The following PGGT1B variants were observed in gnomAD, a reference collection of about 807,000 sequenced individuals.
PGGT1B encodes geranylgeranyl transferase type-1 subunit beta.
In PGGT1B, 30 loss-of-function variants were observed where a neutral mutation model predicts 46.1. The ratio of observed to expected loss-of-function variants is 0.65; its 90% confidence interval spans 0.49 to 0.88. PGGT1B has a LOEUF of 0.88. PGGT1B is among the 40% of genes least tolerant of loss of function. PGGT1B has a pLI of 0.00. For synonymous variants in PGGT1B, 170 were observed against 160.0 expected (o/e 1.06, Z -0.47); for missense variants, 376 against 455.9 (o/e 0.82, Z 1.60).
chr5:115,238,888 T>C (rs900289679), intron 3 of PGGT1B, among the ~76,000 whole-genome samples: 1 of 152,164 alleles, frequency 6.6e-6, no homozygotes, highest in Non-Finnish European at 1.5e-5. Context: ...CACTAGTTCT[T>C]TGGAGTCAAG....
chr5:115,222,414 C>G (rs1277155574), intron 6 of PGGT1B, among the ~76,000 whole-genome samples: 1 of 152,094 alleles, frequency 6.6e-6, no homozygotes, highest in Non-Finnish European at 1.5e-5. Flanking sequence ...AAGCTACAAA[C>G]AAGTTTTCAC....
rs1212547693 is a variant in PGGT1B, at chr5:115,207,363, G to A, written c.*5039C>T. The A allele has an allele frequency of 2.6e-5, 4 of 151,422 alleles. No homozygotes were observed. The highest frequency in any genetic ancestry group is 1.5e-5 in the Non-Finnish European group (1 of 67,756). The allele number at this position is 151,422 out of a possible 1,614,324, so 9.4% of individuals were successfully genotyped here. On this transcript the variant is annotated 3_prime_UTR_variant, in exon 9 of 9. Transcript: ENST00000419445. ...GAAACAGAACATTACCAGCACCGCA[G>A]AGTCTCCCTTGTACCCTCTTTCAGT...
At position 115,236,509 on chromosome 5, in the gene PGGT1B, G is replaced by A; in HGVS notation, c.493C>T (p.Pro165Ser). 6.5e-7 allele frequency: 1 copy of A among 1,539,064 alleles called. No homozygotes were observed. The highest frequency in any genetic ancestry group is 2.5e-5 in the East Asian group (1 of 39,600). Reference sequence around the variant, plus strand: ...CGCATGTCATTTTCACTGCCTTCAGGTACTGCACAAAAACTGAAAATAATA... The same window carrying A: ...CGCATGTCATTTTCACTGCCTTCAGATACTGCACAAAAACTGAAAATAATA... Reference protein sequence around the residue: ...QLEDGSFCAVPEGSENDMRFV... With the variant: ...QLEDGSFCAVSEGSENDMRFV... The change falls in exon 5 of 9, where the codon CCT becomes TCT. Residue 165 changes from proline to serine, a missense_variant. By Grantham distance (74) the Pro-to-Ser change is moderately conservative. This residue lies in a region of PGGT1B where 222 missense variants were observed against 313.6 expected (regional missense o/e 0.71). Coordinates refer to ENST00000419445, the MANE Select transcript of PGGT1B (RefSeq NM_005023.4).
intron 7 of PGGT1B, among the ~76,000 whole-genome samples, chr5:115,221,553 A>G (rs1756589909): frequency 6.6e-6 from 1 of 152,054 alleles, no homozygotes; most frequent in African/African-American, 2.4e-5. Context: ...GAAAGTAAGT[A>G]TTTAATATGT....
At chr5:115,229,425 T>C (rs972480238) in intron 6 of PGGT1B, among the ~76,000 whole-genome samples, 7 of 152,140 alleles carry the variant, frequency 4.6e-5, no homozygotes, top group Non-Finnish European at 8.8e-5. Context: ...AGAAGGAAGA[T>C]ATACGCTTTG....
At chr5:115,261,824 CAT>C (rs1748567502) in intron 1 of PGGT1B, among the ~76,000 whole-genome samples, 1 of 152,192 alleles carries the variant, frequency 6.6e-6, no homozygotes. Context: ...ACTACACTAA[CAT>C]ATAGCACAGA....
rs567696494 is a variant in PGGT1B at position 115,237,158 on chromosome 5, T to C, written c.480-636A>G. 2.0e-5 allele frequency among the ~76,000 whole-genome samples: 3 copies of C among 152,306 alleles called. No individual in the cohort carries two copies. The East Asian group carries it at 5.8e-4, about 29-fold the overall frequency. On this transcript the variant is annotated intron_variant, in intron 4 of 8. Transcript: ENST00000419445. ...ATAGGGTTTCCAATTAATGTCAATT[T>C]ATTCTACTTGTCTACATTTATTTTT...
Position 115,253,271 on chromosome 5 carries a change from G to A in PGGT1B, c.141-16C>T, listed in dbSNP as rs367982950. ...AATTGTCAACCTAAAAGAAAAAAAT[G>A]TAAAATTCCATCTTAACTATCATAC... On this transcript the variant is annotated splice_polypyrimidine_tract_variant and intron_variant, in intron 1 of 8. Transcript: ENST00000419445. 5.1e-6 allele frequency: 8 copies of A among 1,566,516 alleles called. No individual in the cohort carries two copies. The highest frequency in any genetic ancestry group is 6.0e-6 in the Non-Finnish European group (7 of 1,160,842).
chr5:115,227,788 A>G (rs1377388391), intron 6 of PGGT1B, among the ~76,000 whole-genome samples: 1 of 152,196 alleles, frequency 6.6e-6, no homozygotes, highest in Non-Finnish European at 1.5e-5. Context: ...AGTTCTGACT[A>G]AGACAAAAAT....
At chr5:115,216,684 C>A (rs1474788417) in intron 8 of PGGT1B, among the ~76,000 whole-genome samples, 181 bp downstream of exon 8, 1 of 152,162 alleles carries the variant, frequency 6.6e-6, no homozygotes, top group Non-Finnish European at 1.5e-5. Flanking sequence ...TAAACTCTTT[C>A]ATTTATACTC....
rs1476291235 is a variant in PGGT1B, at chr5:115,212,541, A to G, written c.995T>C (p.Met332Thr). 2 of 1,613,508 alleles carry G rather than the reference A, an allele frequency of 1.2e-6. No homozygotes were observed. The highest frequency in any genetic ancestry group is 1.1e-5 in the South Asian group (1 of 91,016). The part of the protein sequence containing the change: ...AYFGICGLSL[M>T]EESGICKVHP... Reference sequence around the variant, plus strand: ...AACTTTACAAATTCCACTTTCCTCCATTAGTGACAGGCCACAGATCCCAAA... The same window carrying G: ...AACTTTACAAATTCCACTTTCCTCCGTTAGTGACAGGCCACAGATCCCAAA... Residue 332 changes from methionine to threonine, a missense_variant, in exon 9 of 9, where the codon ATG becomes ACG. Transcript: ENST00000419445.
intron 1 of PGGT1B, among the ~76,000 whole-genome samples, chr5:115,258,671 G>C (rs1748425705): frequency 6.6e-6 from 1 of 152,276 alleles, no homozygotes; most frequent in South Asian, 2.1e-4. Context: ...CATTCTTTAA[G>C]ATTTAGCTTT....
At chr5:115,238,276 T>C (rs542057828) in intron 3 of PGGT1B, among the ~76,000 whole-genome samples, 52 of 149,614 alleles carry the variant, frequency 3.5e-4, no homozygotes, top group Admixed American at 1.2e-3. Flanking sequence ...AATTATGTAT[T>C]ACTTATTTTT....
chr5:115,237,552 T>C (rs936368080), intron 4 of PGGT1B, among the ~76,000 whole-genome samples: 1 of 152,190 alleles, frequency 6.6e-6, no homozygotes, highest in African/African-American at 2.4e-5. Context: ...CTTCAAAATA[T>C]CAATTTTTCA....
In PGGT1B at chr5:115,210,197, A is replaced by C. The variant is rs1368575299; in HGVS notation, c.*2205T>G. On this transcript the variant is annotated 3_prime_UTR_variant, in exon 9 of 9. Coordinates refer to ENST00000419445, the MANE Select transcript of PGGT1B (RefSeq NM_005023.4). ...AGCTCCTCCTCCTACCTTCTAAAAAAAAAATGCCACAAAATTAGGGGGCGG... is the reference window on the plus strand; with the variant it reads ...AGCTCCTCCTCCTACCTTCTAAAAACAAAATGCCACAAAATTAGGGGGCGG... 1 of 152,104 alleles carries C rather than the reference A, an allele frequency of 6.6e-6. No individual in the cohort carries two copies. Among genetic ancestry groups the C allele is most frequent in the Admixed American group, 6.6e-5 (1 of 15,254 alleles). 9.4% of individuals were successfully genotyped at this position (152,104 alleles called of 1,614,324 possible). A position where few individuals can be genotyped will look rare whatever the true frequency, so the allele number is the denominator to read the frequency against.
In PGGT1B at chr5:115,214,579, A is replaced by T. The variant is rs115352111; in HGVS notation, c.953-1996T>A. 7.5e-3 allele frequency among the ~76,000 whole-genome samples: 1,146 copies of T among 152,350 alleles called. 15 individuals are homozygous for T. The highest frequency in any genetic ancestry group is 0.026 in the African/African-American group (1,086 of 41,580). The stretch of plus-strand genomic sequence containing the variant: ...AGATCTTTACACATAAATTCAATTT[A>T]GCAAAGCCCTTCTATGCTTTCTATT... On this transcript the variant is annotated intron_variant, in intron 8 of 8. Transcript: ENST00000419445.
In PGGT1B at chr5:115,216,910, C is replaced by A; in HGVS notation, c.907G>T (p.Asp303Tyr). 6.3e-7 allele frequency: 1 copy of A among 1,598,728 alleles called. No individual in the cohort carries two copies. The highest frequency in any genetic ancestry group is 8.6e-7 in the Non-Finnish European group (1 of 1,168,450). Residue 303 changes from aspartate to tyrosine, a missense_variant, in exon 8 of 9, where the codon GAT becomes TAT. This residue lies in a region of PGGT1B where 222 missense variants were observed against 313.6 expected (regional missense o/e 0.71). Coordinates refer to ENST00000419445, the MANE Select transcript of PGGT1B (RefSeq NM_005023.4). ...KNRNYILSTQDRLVGGFAKWP... is the reference protein window; with the variant it reads ...KNRNYILSTQYRLVGGFAKWP... ...TTGGCAAATCCCCCTACAAGGCGAT[C>A]TTGAGTTGATAAGATGTAATTTCTA...
rs1163467567 is a variant in PGGT1B at position 115,206,729 on chromosome 5, G to A, written c.*5673C>T. The stretch of plus-strand genomic sequence containing the variant: ...CTTGAAAATGTATCATTGCCTATTT[G>A]CATGTTTCTTTATGCTAAATCTATA... On this transcript the variant is annotated 3_prime_UTR_variant, in exon 9 of 9. Transcript: ENST00000419445. The A allele has an allele frequency of 2.0e-5, 3 of 151,840 alleles. No homozygotes were observed. The highest frequency in any genetic ancestry group is 7.3e-5 in the African/African-American group (3 of 41,326). The allele number at this position is 151,840 out of a possible 1,614,324, so 9.4% of individuals were successfully genotyped here. A position where few individuals can be genotyped will look rare whatever the true frequency, so the allele number is the denominator to read the frequency against.
chr5:115,258,896 C>A (rs1287128636), intron 1 of PGGT1B, among the ~76,000 whole-genome samples: 1 of 152,210 alleles, frequency 6.6e-6, no homozygotes, highest in African/African-American at 2.4e-5. Flanking sequence ...CTTTAACAGG[C>A]TGCTTCATGC....
Sources: gnomAD v4.1 joint callset for allele counts (sites outside exome capture counted in the v4.1 genomes callset) on GRCh38, gnomAD v4.1.1 for gene constraint, gnomAD v4.1.1 regional missense constraint, MANE v1.5 for transcripts, NCBI Gene and HGNC (gene_info 2026-07-23, HGNC 2026-07-21) for gene names.